Variants in ANKRD42 observed in about 807,000 individuals in gnomAD.
The protein encoded by ANKRD42 is ankyrin repeat domain 42, also known as ankyrin repeat domain-containing protein 42.
Under a neutral mutation model 51.5 loss-of-function variants are expected in ANKRD42, and 43 were observed. The ratio of observed to expected loss-of-function variants is 0.83; its 90% confidence interval spans 0.65 to 1.08. The LOEUF (loss-of-function observed/expected upper bound fraction) is 1.08, where lower values mean the gene tolerates loss of function less well. Ranked by LOEUF, ANKRD42 falls within the 50% of genes least tolerant of loss-of-function variation. ANKRD42 has a pLI of 0.00. For synonymous variants in ANKRD42, 203 were observed against 213.0 expected (o/e 0.95, Z 0.41); for missense variants, 608 against 629.3 (o/e 0.97, Z 0.36).
chr11:83,236,615 C>A, intron 8 of ANKRD42, 106 bp downstream of exon 8: 1 of 757,714 alleles, frequency 1.3e-6, no homozygotes, highest in South Asian at 2.2e-5. Context: ...TTAGAGGACT[C>A]AATCAAATAC....
intron 3 of ANKRD42, chr11:83,209,851 G>A (rs1031043028): frequency 2.0e-6 from 1 of 511,162 alleles, no homozygotes. Context: ...TGGACCCACA[G>A]CCTCAGCTGA....
chr11:83,194,833 T>TC, intron 1 of ANKRD42, 105 bp downstream of exon 1: 3 of 1,136,096 alleles, frequency 2.6e-6, no homozygotes, highest in Non-Finnish European at 3.7e-6. Flanking sequence ...CAGCCGTCAC[T>TC]CCCCCCTTTC....
intron 5 of ANKRD42, among the ~76,000 whole-genome samples, chr11:83,223,963 A>G (rs1394293429): frequency 3.6e-5 from 5 of 140,728 alleles, no homozygotes; most frequent in African/African-American, 5.3e-5. Context: ...TTTTTTTTGC[A>G]TGAAGTTTTA....
intron 8 of ANKRD42, among the ~76,000 whole-genome samples, chr11:83,238,779 G>A (rs563628536): frequency 4.6e-5 from 7 of 151,586 alleles, no homozygotes; most frequent in Admixed American, 6.6e-5. Context: ...GCTGTGAGCC[G>A]AGATTGTACC....
chr11:83,232,101 CTTTT>C (rs59648047), intron 7 of ANKRD42, among the ~76,000 whole-genome samples: 63,036 of 140,456 alleles, frequency 0.45, 13,852 homozygotes, highest in African/African-American at 0.57. Flanking sequence ...TAAATTTTAG[CTTTT>C]TTTTTTTTTT....
chr11:83,243,468 G>A (rs1216800545), intron 9 of ANKRD42, among the ~76,000 whole-genome samples: 2 of 152,038 alleles, frequency 1.3e-5, no homozygotes, highest in Non-Finnish European at 2.9e-5. Context: ...GGACCCCATA[G>A]AACAGGCTTT....
chr11:83,203,381 CCTTTTTTT>C (rs1361120769), intron 2 of ANKRD42, among the ~76,000 whole-genome samples: 8 of 150,558 alleles, frequency 5.3e-5, no homozygotes, highest in Admixed American at 4.6e-4. Flanking sequence ...CCTAAGTTTT[CCTTTTTTT>C]CTTTCTTTTT....
intron 5 of ANKRD42, among the ~76,000 whole-genome samples, chr11:83,212,286 T>G (rs1383426612): frequency 1.3e-5 from 2 of 152,120 alleles, no homozygotes; most frequent in Non-Finnish European, 2.9e-5. Flanking sequence ...TTCACCATGT[T>G]GGCTAGGCTG....
Position 83,211,155 on chromosome 11 carries a change from G to A in ANKRD42, c.451-140G>A, listed in dbSNP as rs545955081. ...AGCTCATATATTCAAATTAGTGGTT[G>A]CAGTACATTTTTCTATTAAGTGTTT... On this transcript the variant is annotated intron_variant, in intron 4 of 10. Coordinates refer to ENST00000533342, the MANE Select transcript of ANKRD42 (RefSeq NM_001300975.2). The A allele has an allele frequency of 8.9e-6, 9 of 1,008,188 alleles. No homozygotes were observed. The African/African-American group carries it at 9.6e-5, about 11-fold the overall frequency. The allele number at this position is 1,008,188 out of a possible 1,614,324, so 62.5% of individuals were successfully genotyped here. A position where few individuals can be genotyped will look rare whatever the true frequency, so the allele number is the denominator to read the frequency against.
chr11:83,210,222 C>T, intron 3 of ANKRD42, 78 bp from the exon 4 acceptor site: 1 of 1,426,318 alleles, frequency 7.0e-7, no homozygotes, highest in Non-Finnish European at 9.7e-7. Flanking sequence ...AAATTGCTTG[C>T]CTTTGTATAA....
downstream of ANKRD42, among the ~76,000 whole-genome samples, chr11:83,262,518 C>T (rs1398469756): frequency 6.6e-6 from 1 of 152,090 alleles, no homozygotes; most frequent in East Asian, 1.9e-4. Flanking sequence ...TAGCTTACAT[C>T]ATTTTGGATA....
At position 83,238,197 on chromosome 11, in the gene ANKRD42, C is replaced by G. The variant is rs148934058; in HGVS notation, c.1019+1688C>G. Among the ~76,000 whole-genome samples the G allele has an allele frequency of 1.7e-3, 263 of 152,278 alleles. 2 individuals carry two copies. The highest frequency in any genetic ancestry group is 5.9e-3 in the African/African-American group (247 of 41,552). ...TAGCATTCCATAATTCGATTATCCA[C>G]TCACAGGTTGAAGGGCATCTTGATT... On this transcript the variant is annotated intron_variant, in intron 8 of 10. Transcript: ENST00000533342.
intron 8 of ANKRD42, among the ~76,000 whole-genome samples, chr11:83,238,424 A>C (rs557269470): frequency 1.9e-3 from 285 of 152,328 alleles, no homozygotes; most frequent in African/African-American, 6.5e-3. Context: ...GGCTGGGTGC[A>C]GTGGCTCACA....
intron 5 of ANKRD42, among the ~76,000 whole-genome samples, chr11:83,220,581 C>G (rs2135521120): frequency 6.6e-6 from 1 of 152,248 alleles, no homozygotes; most frequent in South Asian, 2.1e-4. Context: ...TACAAAGCTT[C>G]CACGGCATGG....
chr11:83,246,901 G>A (rs965149599), intron 10 of ANKRD42, among the ~76,000 whole-genome samples: 4 of 152,146 alleles, frequency 2.6e-5, no homozygotes, highest in Non-Finnish European at 5.9e-5. Context: ...TAAACAGATG[G>A]CAAAACATTA....
chr11:83,197,260 T>A (rs1181609158), intron 1 of ANKRD42, among the ~76,000 whole-genome samples: 5 of 152,326 alleles, frequency 3.3e-5, no homozygotes, highest in Admixed American at 6.5e-5. Flanking sequence ...GTTTTTGTTT[T>A]CATTATGTAT....
intron 5 of ANKRD42, chr11:83,214,500 G>A: frequency 1.0e-6 from 1 of 979,298 alleles, no homozygotes; most frequent in Non-Finnish European, 1.2e-6. Flanking sequence ...TTTATAACCA[G>A]GTAGAGTATT....
intron 6 of ANKRD42, among the ~76,000 whole-genome samples, chr11:83,226,919 G>C (rs899953253): frequency 2.0e-5 from 3 of 152,132 alleles, no homozygotes; most frequent in African/African-American, 4.8e-5. Flanking sequence ...GATGTGCATA[G>C]GTTTATATGT....
chr11:83,219,029 A>G (rs896571687), intron 5 of ANKRD42, among the ~76,000 whole-genome samples: 17 of 152,148 alleles, frequency 1.1e-4, no homozygotes, highest in African/African-American at 2.9e-4. Context: ...TTTCAGGGTC[A>G]AATTTGTCCC....
Sources: allele counts gnomAD v4.1 joint callset (sites outside exome capture counted in the v4.1 genomes callset), GRCh38; gene constraint gnomAD v4.1.1; transcripts MANE v1.5; gene names NCBI Gene and HGNC (gene_info 2026-07-23, HGNC 2026-07-21).